MICOS10: variants seen among roughly 807,000 people sequenced by gnomAD.
MICOS10 encodes the protein mitochondrial contact site and cristae organizing system subunit 10.
In MICOS10, 5 loss-of-function variants were observed where a neutral mutation model predicts 13.4. The ratio of observed to expected loss-of-function variants is 0.37; its 90% CI spans 0.20 to 0.78. MICOS10 has a LOEUF of 0.78. Ranked by LOEUF, MICOS10 falls within the 30% of genes least tolerant of loss-of-function variation. The pLI is 0.47. For missense variants in MICOS10, 101 were observed against 94.6 expected, an observed-to-expected ratio of 1.07 and a Z score of -0.28; for synonymous variants, 35 against 33.6, an observed-to-expected ratio of 1.04 and a Z score of -0.15.
chr1:19,619,892 C>T (rs749047849), intron 1 of MICOS10, among the ~76,000 whole-genome samples: 1 of 152,240 alleles, frequency 6.6e-6, no homozygotes, highest in Non-Finnish European at 1.5e-5. Flanking sequence ...TCCCCACCCC[C>T]TACCACACAC....
intron 1 of MICOS10, among the ~76,000 whole-genome samples, chr1:19,609,533 C>T (rs991048072): frequency 6.6e-6 from 1 of 152,192 alleles, no homozygotes; most frequent in African/African-American, 2.4e-5. Flanking sequence ...CTTACACATG[C>T]GTGTTCATAG....
rs2094932764 is a variant in MICOS10 at position 19,629,775 on chromosome 1, C to G, written c.*3374C>G. On this transcript the variant is annotated 3_prime_UTR_variant, in exon 4 of 4. Transcript: ENST00000322753. ...TCGATCTGATTGTATTGTCGAAGGACTATTTTTGAACCTGTCCAAATAAAC... is the reference window on the plus strand; with the variant it reads ...TCGATCTGATTGTATTGTCGAAGGAGTATTTTTGAACCTGTCCAAATAAAC... 6.6e-6 allele frequency: 1 copy of G among 152,196 alleles called. No individual in the cohort carries two copies. The highest frequency in any genetic ancestry group is 2.4e-5 in the African/African-American group (1 of 41,460). 9.4% of individuals were successfully genotyped at this position (152,196 alleles called of 1,614,324 possible).
intron 1 of MICOS10, among the ~76,000 whole-genome samples, chr1:19,620,486 C>G (rs1737426): frequency 6.6e-6 from 1 of 152,194 alleles, no homozygotes; most frequent in South Asian, 2.1e-4. Context: ...AAGAGAATAG[C>G]CTTATTACTT....
chr1:19,613,029 C>T (rs998473808), intron 1 of MICOS10, among the ~76,000 whole-genome samples: 8 of 152,210 alleles, frequency 5.3e-5, no homozygotes, highest in Non-Finnish European at 8.8e-5. Context: ...CCTGGTCAAA[C>T]CCTTGCCTTT....
chr1:19,604,020 A>G (rs2094825816), intron 1 of MICOS10, among the ~76,000 whole-genome samples: 2 of 152,220 alleles, frequency 1.3e-5, no homozygotes, highest in South Asian at 4.1e-4. Context: ...AGTGAACTGT[A>G]GTGGCATACA....
At chr1:19,617,027 T>C (rs1178611394) in intron 1 of MICOS10, among the ~76,000 whole-genome samples, 1 of 152,226 alleles carries the variant, frequency 6.6e-6, no homozygotes, top group Non-Finnish European at 1.5e-5. Context: ...CATTAACTAA[T>C]TATATTTTGG....
intron 1 of MICOS10, chr1:19,601,194 T>A: frequency 2.8e-6 from 1 of 355,286 alleles, no homozygotes; most frequent in Non-Finnish European, 5.5e-6. Context: ...GAGGCTTGAA[T>A]AATATCTTAA....
rs1386201875 is a variant in MICOS10, at chr1:19,629,173, T to G, written c.*2772T>G. On this transcript the variant is annotated 3_prime_UTR_variant, in exon 4 of 4. Transcript: ENST00000322753. ...ACACATTCTGTGTTACTCTTAAGTT[T>G]CATTAGAAATTCAAGTCCTCTGGGG... 6.6e-6 allele frequency: 1 copy of G among 152,230 alleles called. No individual in the cohort carries two copies. Among genetic ancestry groups the G allele is most frequent in the African/African-American group, 2.4e-5 (1 of 41,460 alleles). 9.4% of individuals were successfully genotyped at this position (152,230 alleles called of 1,614,324 possible). A position where few individuals can be genotyped will look rare whatever the true frequency, so the allele number is the denominator to read the frequency against.
chr1:19,624,444 C>T (rs756029249), intron 3 of MICOS10, among the ~76,000 whole-genome samples: 9 of 152,118 alleles, frequency 5.9e-5, no homozygotes, highest in South Asian at 2.1e-4. Context: ...GAGCCACTCA[C>T]GCCCGGCTAA....
In MICOS10 at chr1:19,626,459, A is replaced by G; in HGVS notation, c.*58A>G. The G allele has an allele frequency of 6.3e-7, 1 of 1,593,838 alleles. No individual in the cohort carries two copies. Among genetic ancestry groups the G allele is most frequent in the Non-Finnish European group, 8.6e-7 (1 of 1,162,254 alleles). ...GAGAAATCATGTTTATTCCTCAGGA[A>G]TACTGAAGTGCCCTGGAGTAAGCTG... On this transcript the variant is annotated 3_prime_UTR_variant, in exon 4 of 4. Coordinates refer to ENST00000322753, the MANE Select transcript of MICOS10 (RefSeq NM_001032363.4).
At chr1:19,612,687 C>T (rs575804797) in intron 1 of MICOS10, among the ~76,000 whole-genome samples, 1 of 152,282 alleles carries the variant, frequency 6.6e-6, no homozygotes, top group African/African-American at 2.4e-5. Context: ...AGCTCCACTG[C>T]ACTCCAGCCT....
At chr1:19,614,325 TAAAA>T (rs1292506561) in intron 1 of MICOS10, among the ~76,000 whole-genome samples, 1 of 136,618 alleles carries the variant, frequency 7.3e-6, no homozygotes, top group Admixed American at 7.4e-5. Context: ...ACCTCCCTTA[TAAAA>T]AAAAAAAAGC....
chr1:19,598,441 T>G (rs2094801175), intron 1 of MICOS10, among the ~76,000 whole-genome samples: 1 of 152,180 alleles, frequency 6.6e-6, no homozygotes, highest in Non-Finnish European at 1.5e-5. Flanking sequence ...CACCTAGCTA[T>G]GAAATGACCA....
chr1:19,606,518 G>A (rs1031272993), intron 1 of MICOS10, among the ~76,000 whole-genome samples: 12 of 152,166 alleles, frequency 7.9e-5, no homozygotes, highest in African/African-American at 2.7e-4. Context: ...GGCTGAGGAG[G>A]GTGGGTCACC....
chr1:19,626,082 T>C (rs1285446345), intron 3 of MICOS10, among the ~76,000 whole-genome samples: 1 of 152,232 alleles, frequency 6.6e-6, no homozygotes, highest in Non-Finnish European at 1.5e-5. Context: ...CGTAGGCTGA[T>C]GAGAACCATG....
intron 1 of MICOS10, among the ~76,000 whole-genome samples, chr1:19,606,559 A>G (rs1411047058): frequency 6.6e-6 from 1 of 152,154 alleles, no homozygotes; most frequent in African/African-American, 2.4e-5. Flanking sequence ...CAGCCTGGCC[A>G]ATATGGTGAA....
intron 1 of MICOS10, among the ~76,000 whole-genome samples, chr1:19,606,968 A>C (rs934227021): frequency 6.6e-6 from 1 of 152,270 alleles, no homozygotes; most frequent in Non-Finnish European, 1.5e-5. Flanking sequence ...GTATCAGTTC[A>C]TCTGATAGAT....
At position 19,597,075 on chromosome 1, in the gene MICOS10, G is replaced by C; in HGVS notation, c.30G>C (p.Trp10Cys). The change falls in exon 1 of 4, where the codon TGG becomes TGC. Residue 10 changes from tryptophan (W) to cysteine (C), a missense_variant. Transcript: ENST00000322753. ...CTGAGTCGGAGCTCGGCAGGAAGTG[G>C]GACCGGTGTCTGGCGGATGCGGTCG... MSESELGRK[W>C]DRCLADAVVK... 1 of 1,597,404 alleles carries C rather than the reference G, an allele frequency of 6.3e-7. No homozygotes were observed.
intron 1 of MICOS10, among the ~76,000 whole-genome samples, chr1:19,603,977 A>G (rs1009907643): frequency 2.6e-5 from 4 of 152,206 alleles, no homozygotes; most frequent in Non-Finnish European, 4.4e-5. Context: ...AGCCATGGAC[A>G]TTTACAAGGA....
Sources: gnomAD v4.1 joint callset for allele counts (sites outside exome capture counted in the v4.1 genomes callset) on GRCh38, gnomAD v4.1.1 for gene constraint, MANE v1.5 for transcripts, NCBI Gene and HGNC (gene_info 2026-07-23, HGNC 2026-07-21) for gene names.